TNR: variants seen among roughly 807,000 people sequenced by gnomAD.
TNR encodes tenascin-R.
A neutral mutation model predicts 150.4 loss-of-function variants in TNR; 45 were observed. The ratio of observed to expected loss-of-function variants is 0.30; its 90% confidence interval spans 0.24 to 0.38. The LOEUF (loss-of-function observed/expected upper bound fraction) is 0.38, where lower values mean the gene tolerates loss of function less well. TNR is among the 10% of genes least tolerant of loss of function. The pLI is 1.00. For synonymous variants in TNR, 687 were observed against 678.4 expected, an observed-to-expected ratio of 1.01 and a Z score of -0.20; for missense variants, 1,544 against 1,759.1, an observed-to-expected ratio of 0.88 and a Z score of 2.19.
At chr1:175,678,554 C>T (rs1665935448) in intron 1 of TNR, among the ~76,000 whole-genome samples, 2 of 152,126 alleles carry the variant, frequency 1.3e-5, no homozygotes, top group Admixed American at 1.3e-4. Context: ...CCTGCCCTGC[C>T]CACCTCCCCT....
intron 1 of TNR, among the ~76,000 whole-genome samples, chr1:175,532,296 C>A (rs944451204): frequency 3.3e-4 from 51 of 152,302 alleles, no homozygotes; most frequent in African/African-American, 1.2e-3. Flanking sequence ...AACAATGGAT[C>A]AGATTGTGAA....
At chr1:175,631,348 A>C (rs1664320364) in intron 1 of TNR, among the ~76,000 whole-genome samples, 1 of 152,248 alleles carries the variant, frequency 6.6e-6, no homozygotes, top group South Asian at 2.1e-4. Flanking sequence ...TTATATAGCT[A>C]TTTAAAAATA....
At chr1:175,439,007 A>C (rs1168404808) in intron 2 of TNR, among the ~76,000 whole-genome samples, 1 of 152,232 alleles carries the variant, frequency 6.6e-6, no homozygotes, top group Non-Finnish European at 1.5e-5. Context: ...CTTTCTTCAC[A>C]GAATTGGAAA....
At position 175,338,861 on chromosome 1, in the gene TNR, C is replaced by T. The variant is rs189550259; in HGVS notation, c.3383-1182G>A. ...TGTGTCAGGAAGAGGTGGTTAGAGT[C>T]GGTTTATGGAAGGCCCCCCTGGAGA... On this transcript the variant is annotated intron_variant, in intron 18 of 22. Coordinates refer to ENST00000367674, the MANE Select transcript of TNR (RefSeq NM_003285.3). Among the ~76,000 whole-genome samples, 626 of 152,250 alleles carry T rather than the reference C, an allele frequency of 4.1e-3. 2 individuals are homozygous for T. Among genetic ancestry groups the T allele is most frequent in the Middle Eastern group, 0.027 (8 of 294 alleles).
At chr1:175,562,646 C>T (rs1460131945) in intron 1 of TNR, among the ~76,000 whole-genome samples, 1 of 152,192 alleles carries the variant, frequency 6.6e-6, no homozygotes, top group Non-Finnish European at 1.5e-5. Context: ...GAACAAGAGA[C>T]AGGATGTGGT....
intron 1 of TNR, among the ~76,000 whole-genome samples, chr1:175,612,410 C>T (rs1364662017): frequency 3.9e-5 from 6 of 152,128 alleles, no homozygotes; most frequent in Non-Finnish European, 7.4e-5. Context: ...TATAGGAATT[C>T]CTCTTGTTGC....
intron 2 of TNR, among the ~76,000 whole-genome samples, chr1:175,478,870 G>T (rs1480537819): frequency 6.6e-6 from 1 of 152,070 alleles, no homozygotes; most frequent in African/African-American, 2.4e-5. Flanking sequence ...AGGCCAGTGG[G>T]GCTCATACTA....
At chr1:175,350,958 A>G (rs1489709998) in intron 18 of TNR, among the ~76,000 whole-genome samples, 2 of 152,198 alleles carry the variant, frequency 1.3e-5, no homozygotes, top group Non-Finnish European at 2.9e-5. Context: ...CCATCCTAAG[A>G]GTAGGATACT....
In TNR at chr1:175,658,369, T is replaced by G. The variant is rs111561487; in HGVS notation, c.-165+84857A>C. On this transcript the variant is annotated intron_variant, in intron 1 of 22. Coordinates refer to ENST00000367674, the MANE Select transcript of TNR (RefSeq NM_003285.3). ...ACCCTGCTGCATGAAAGGTGGGAGG[T>G]TAGGAGCTCACACTCTCAGGAGGCA... Among the ~76,000 whole-genome samples, 529 of 151,990 alleles carry G rather than the reference T, an allele frequency of 3.5e-3. 4 individuals are homozygous for G. Among genetic ancestry groups the G allele is most frequent in the African/African-American group, 0.012 (513 of 41,436 alleles).
At chr1:175,413,353 G>A (rs917453130) in intron 2 of TNR, among the ~76,000 whole-genome samples, 5 of 152,190 alleles carry the variant, frequency 3.3e-5, no homozygotes, top group African/African-American at 7.2e-5. Flanking sequence ...TGATGCTGTC[G>A]GGCAGATTTT....
chr1:175,355,390 T>G, intron 17 of TNR, 113 bp downstream of exon 17: 1 of 1,427,830 alleles, frequency 7.0e-7, no homozygotes, highest in Non-Finnish European at 9.5e-7. Flanking sequence ...GAGCAATCCT[T>G]GTGGATTGCT....
At chr1:175,543,548 G>A (rs911048975) in intron 1 of TNR, among the ~76,000 whole-genome samples, 1 of 152,172 alleles carries the variant, frequency 6.6e-6, no homozygotes, top group African/African-American at 2.4e-5. Flanking sequence ...ACACAAACTG[G>A]AGTACATCAT....
rs78472469 is a variant in TNR, at chr1:175,618,455, T to C, written c.-164-90086A>G. Among the ~76,000 whole-genome samples, 1,149 of 152,314 alleles carry C rather than the reference T, an allele frequency of 7.5e-3. 10 individuals are homozygous for C. The highest frequency in any genetic ancestry group is 0.025 in the African/African-American group (1,055 of 41,558). On this transcript the variant is annotated intron_variant, in intron 1 of 22. Transcript: ENST00000367674. Reference sequence around the variant, plus strand: ...CCTCTCCCCTTTAATTTTACTACAGTTCCTGGACTCAACTGAATGCATATT... The same window carrying C: ...CCTCTCCCCTTTAATTTTACTACAGCTCCTGGACTCAACTGAATGCATATT...
intron 21 of TNR, among the ~76,000 whole-genome samples, chr1:175,327,695 G>A (rs1488704569): frequency 1.3e-5 from 2 of 152,120 alleles, no homozygotes; most frequent in African/African-American, 2.4e-5. Context: ...CACAGCATCT[G>A]CTCCTTCTGT....
intron 1 of TNR, among the ~76,000 whole-genome samples, chr1:175,696,007 T>C (rs1666505726): frequency 6.6e-6 from 1 of 151,924 alleles, no homozygotes; most frequent in Admixed American, 6.6e-5. Context: ...GATGGATGGA[T>C]GGATGGACAG....
intron 1 of TNR, among the ~76,000 whole-genome samples, chr1:175,614,080 T>C (rs1663688318): frequency 6.6e-6 from 1 of 152,248 alleles, no homozygotes; most frequent in South Asian, 2.1e-4. Context: ...CTGTTATTAT[T>C]AGAGATGATG....
chr1:175,605,147 T>A (rs577450009), intron 1 of TNR, among the ~76,000 whole-genome samples: 18 of 152,312 alleles, frequency 1.2e-4, no homozygotes, highest in Admixed American at 1.2e-3. Flanking sequence ...TAAAGATTTA[T>A]CAATAGATGA....
At chr1:175,725,430 G>A (rs993700160) in intron 1 of TNR, among the ~76,000 whole-genome samples, 15 of 152,042 alleles carry the variant, frequency 9.9e-5, no homozygotes, top group African/African-American at 3.6e-4. Flanking sequence ...CAACATCAGG[G>A]GTCTCAACAG....
At chr1:175,675,893 C>T (rs986103184) in intron 1 of TNR, among the ~76,000 whole-genome samples, 3 of 152,044 alleles carry the variant, frequency 2.0e-5, no homozygotes, top group Non-Finnish European at 2.9e-5. Context: ...ATGAAAGATG[C>T]CCTGGAAACA....
Sources: gnomAD v4.1 joint callset for allele counts (sites outside exome capture counted in the v4.1 genomes callset) on GRCh38, gnomAD v4.1.1 for gene constraint, MANE v1.5 for transcripts, NCBI Gene and HGNC (gene_info 2026-07-23, HGNC 2026-07-21) for gene names.